TUSC3: variants seen among roughly 807,000 people sequenced by gnomAD.
TUSC3 encodes tumor suppressor candidate 3.
Under a neutral mutation model 44.8 loss-of-function variants are expected in TUSC3, and 45 were observed. That is an observed-to-expected ratio of 1.00 (90% CI 0.79 to 1.29). The LOEUF (loss-of-function observed/expected upper bound fraction) is 1.29. Among genes scored for constraint, TUSC3 ranks in the 50% most tolerant of loss-of-function variants. The pLI, the probability that TUSC3 is intolerant of heterozygous loss-of-function variation, is 0.00. For synonymous variants in TUSC3, 212 were observed against 152.9 expected, an observed-to-expected ratio of 1.39 and a Z score of -2.85; for missense variants, 519 against 437.9, an observed-to-expected ratio of 1.19 and a Z score of -1.65.
intron 6 of TUSC3, among the ~76,000 whole-genome samples, chr8:15,715,260 G>C (rs757181181): frequency 7.9e-5 from 12 of 152,128 alleles, no homozygotes; most frequent in Non-Finnish European, 1.6e-4. Flanking sequence ...ATTAGGCACA[G>C]TAAGAGATGA....
At chr8:15,770,453 T>C (rs1398561306), downstream of TUSC3, among the ~76,000 whole-genome samples, 1 of 152,020 alleles carries the variant, frequency 6.6e-6, no homozygotes, top group Admixed American at 6.6e-5. Context: ...AAATACCCAA[T>C]GTAGATGATG....
intron 1 of TUSC3, among the ~76,000 whole-genome samples, chr8:15,610,447 C>T (rs1174440727): frequency 6.6e-6 from 1 of 152,108 alleles, no homozygotes; most frequent in Non-Finnish European, 1.5e-5. Context: ...GAATTCACTG[C>T]TTCCTTTATT....
At chr8:15,638,682 C>T (rs151181078) in intron 2 of TUSC3, among the ~76,000 whole-genome samples, 2,977 of 151,918 alleles carry the variant, frequency 0.02, 101 homozygotes, top group African/African-American at 0.067. Context: ...TGTGGTACCA[C>T]GCCTGGCTAA....
intron 1 of TUSC3, among the ~76,000 whole-genome samples, chr8:15,423,989 T>TG (rs1563247251): frequency 2.3e-5 from 3 of 130,880 alleles, no homozygotes; most frequent in South Asian, 2.6e-4. Flanking sequence ...TTTTTTTTTT[T>TG]TTTTTTTTTT....
At chr8:15,555,559 T>G (rs1436308835) in intron 1 of TUSC3, among the ~76,000 whole-genome samples, 1 of 151,324 alleles carries the variant, frequency 6.6e-6, no homozygotes, top group Non-Finnish European at 1.5e-5. Flanking sequence ...CCTCCCAGAG[T>G]GCTGGGATTA....
rs772384703 is a variant in TUSC3, at chr8:15,623,176, G to A, written c.235G>A (p.Ala79Thr). 1.9e-6 allele frequency: 3 copies of A among 1,613,566 alleles called. No individual in the cohort carries two copies. The highest frequency in any genetic ancestry group is 2.2e-5 in the East Asian group (1 of 44,852). Residue 79 changes from alanine to threonine, a missense_variant, in exon 2 of 11, where the codon GCA becomes ACA. By Grantham distance (58) the Ala-to-Thr change is moderately conservative. Transcript: ENST00000503731. ...TGATAAATTCCGAAAATTTATAAAG[G>A]CACCACCTCGAAACTATTCCATGAT... is the stretch of plus-strand genomic sequence containing the variant. ...NGDKFRKFIK[A>T]PPRNYSMIVM...
In TUSC3 at chr8:15,581,386, G is replaced by C. The variant is rs1277132197; in HGVS notation, c.138+40818G>C. Among the ~76,000 whole-genome samples the C allele has an allele frequency of 5.3e-5, 8 of 149,988 alleles. No individual in the cohort carries two copies. In the East Asian group the frequency reaches 7.8e-4, roughly 15 times the overall value. ...GGAACTGCGTTCCTTTGGAGGAGGA[G>C]AGGCGCTCTGCATTTTAGAGTTTCC... On this transcript the variant is annotated intron_variant, in intron 1 of 10. Transcript: ENST00000503731.
At chr8:15,482,498 C>A (rs541481511) in intron 1 of TUSC3, among the ~76,000 whole-genome samples, 58 of 152,244 alleles carry the variant, frequency 3.8e-4, no homozygotes, top group Non-Finnish European at 5.9e-4. Flanking sequence ...CTGTTGAGAC[C>A]TGCTGCTTAG....
chr8:15,488,580 A>G (rs1050456390), intron 2 of TUSC3, among the ~76,000 whole-genome samples: 4 of 152,124 alleles, frequency 2.6e-5, no homozygotes, highest in Non-Finnish European at 5.9e-5. Context: ...AGCCCTAATC[A>G]CCAGTGTGTT....
intron 7 of TUSC3, chr8:15,733,529 G>C: frequency 4.0e-6 from 1 of 250,746 alleles, no homozygotes; most frequent in Non-Finnish European, 8.1e-6. Context: ...TAATTTCATG[G>C]ATCATTGACA....
chr8:15,549,929 C>A (rs1401695691), intron 1 of TUSC3, among the ~76,000 whole-genome samples: 2 of 151,640 alleles, frequency 1.3e-5, no homozygotes, highest in Non-Finnish European at 2.9e-5. Flanking sequence ...AGCAGACTCA[C>A]ATCTCCAAAA....
chr8:15,560,464 AT>A (rs1402703033), intron 1 of TUSC3, among the ~76,000 whole-genome samples: 1 of 150,494 alleles, frequency 6.6e-6, no homozygotes, highest in African/African-American at 2.4e-5. Context: ...ACTTTGGTGA[AT>A]CTGACCATTA....
chr8:15,831,724 G>A, the TUSC3 span, among the ~76,000 whole-genome samples: 4 of 152,076 alleles, frequency 2.6e-5, no homozygotes, highest in East Asian at 5.8e-4. Flanking sequence ...AAATAAGACA[G>A]TCAGACAAGA....
chr8:15,420,815 C>G (rs1295668565), intron 1 of TUSC3, among the ~76,000 whole-genome samples: 3 of 152,072 alleles, frequency 2.0e-5, no homozygotes, highest in Admixed American at 1.3e-4. Flanking sequence ...GCTCCTTTGT[C>G]TTAGCTCATA....
At chr8:15,463,586 C>T (rs1222556148) in intron 1 of TUSC3, among the ~76,000 whole-genome samples, 1 of 152,150 alleles carries the variant, frequency 6.6e-6, no homozygotes, top group Non-Finnish European at 1.5e-5. Context: ...AGTGGCTCTT[C>T]ATATTGTTTA....
intron 1 of TUSC3, among the ~76,000 whole-genome samples, chr8:15,443,573 T>C (rs555940584): frequency 6.6e-5 from 10 of 152,234 alleles, no homozygotes; most frequent in Admixed American, 6.5e-4. Flanking sequence ...GCTGTTCTTA[T>C]TCCTTCCTGG....
At chr8:15,600,017 A>G (rs1314009725) in intron 1 of TUSC3, among the ~76,000 whole-genome samples, 1 of 151,604 alleles carries the variant, frequency 6.6e-6, no homozygotes, top group African/African-American at 2.4e-5. Context: ...AGACAGTTTT[A>G]TTTCTTCTTT....
At chr8:15,564,012 A>G (rs1020965180) in intron 1 of TUSC3, among the ~76,000 whole-genome samples, 5 of 152,156 alleles carry the variant, frequency 3.3e-5, no homozygotes, top group East Asian at 1.9e-4. Context: ...ATGGATTTTA[A>G]TATATTAAAT....
At position 15,742,094 on chromosome 8, in the gene TUSC3, A is replaced by C. The variant is rs537165254; in HGVS notation, c.863-1444A>C. Among the ~76,000 whole-genome samples the C allele has an allele frequency of 3.9e-5, 6 of 152,342 alleles. No individual in the cohort carries two copies. In the East Asian group the frequency reaches 1.2e-3, roughly 29 times the overall value. ...ACCATACTGATGATACAAAACAGTC[A>C]TTCTCTTAGAATATTCTTTTCAGGC... On this transcript the variant is annotated intron_variant, in intron 7 of 10. Transcript: ENST00000503731.
Sources: gnomAD v4.1 joint callset for allele counts (sites outside exome capture counted in the v4.1 genomes callset) on GRCh38, gnomAD v4.1.1 for gene constraint, MANE v1.5 for transcripts, NCBI Gene and HGNC (gene_info 2026-07-23, HGNC 2026-07-21) for gene names.